OCA2: variants seen among roughly 807,000 people sequenced by gnomAD.
The protein encoded by OCA2 is P protein.
OCA2 carries 77 observed loss-of-function variants against 100.2 expected under a neutral mutation model. That is an observed-to-expected ratio of 0.77 (90% CI 0.64 to 0.93). The LOEUF (loss-of-function observed/expected upper bound fraction) is 0.93, where lower values mean the gene tolerates loss of function less well. OCA2 is among the 40% of genes least tolerant of loss of function. OCA2 has a pLI of 0.00. For synonymous variants in OCA2, 432 were observed against 439.2 expected (o/e 0.98, Z 0.21); for missense variants, 1,062 against 1,089.1 (o/e 0.98, Z 0.35).
chr15:28,087,704 G>A (rs969527029), intron 1 of OCA2, among the ~76,000 whole-genome samples: 1 of 152,128 alleles, frequency 6.6e-6, no homozygotes, highest in Non-Finnish European at 1.5e-5. Flanking sequence ...TCAGGATTGT[G>A]CCACTGCACT....
intron 4 of OCA2, among the ~76,000 whole-genome samples, chr15:28,025,294 A>G (rs2141323095): frequency 6.6e-6 from 1 of 152,332 alleles, no homozygotes; most frequent in African/African-American, 2.4e-5. Context: ...TCTGAAAGGT[A>G]GGAATACAGA....
Position 27,893,999 on chromosome 15 carries a change from C to G in OCA2, c.2080-22077G>C, listed in dbSNP as rs1964476. 5.3e-5 allele frequency among the ~76,000 whole-genome samples: 8 copies of G among 152,254 alleles called. No homozygotes were observed. In the East Asian group the frequency reaches 1.5e-3, roughly 29 times the overall value. On this transcript the variant is annotated intron_variant, in intron 19 of 23. Coordinates refer to ENST00000354638, the MANE Select transcript of OCA2 (RefSeq NM_000275.3). ...ACTCTCTGTTCTTACACCCCCTCCC[C>G]TTTTGAAACCCTTAATAAAAGCTTG...
intron 13 of OCA2, among the ~76,000 whole-genome samples, chr15:27,984,515 TGGCACCTG>T (rs1200467945): frequency 6.6e-6 from 1 of 152,212 alleles, no homozygotes; most frequent in Admixed American, 6.5e-5. Context: ...CAGGGACTCC[TGGCACCTG>T]GGCACCTGGT....
the OCA2 span, among the ~76,000 whole-genome samples, chr15:27,730,732 AATATATATATATATATAT>A: frequency 0.054 from 5,463 of 101,990 alleles, 206 homozygotes; most frequent in Middle Eastern, 0.099. Context: ...AAAAAGACCA[AATATATATATATATATAT>A]ATATATATAT....
chr15:27,754,483 T>G (rs1234249671), downstream of OCA2, among the ~76,000 whole-genome samples: 2 of 152,178 alleles, frequency 1.3e-5, no homozygotes, highest in African/African-American at 4.8e-5. Flanking sequence ...CTCTGGGGCA[T>G]AGCCATGATA....
intron 18 of OCA2, among the ~76,000 whole-genome samples, chr15:27,942,004 A>T (rs1035540152): frequency 3.3e-5 from 5 of 152,120 alleles, no homozygotes; most frequent in Non-Finnish European, 5.9e-5. Context: ...GACACACACA[A>T]TAACAAGTGC....
intron 19 of OCA2, among the ~76,000 whole-genome samples, chr15:27,875,434 G>A (rs1245750493): frequency 6.6e-6 from 1 of 152,100 alleles, no homozygotes; most frequent in Non-Finnish European, 1.5e-5. Flanking sequence ...AGGAAATCAG[G>A]TAAGTGCTCC....
chr15:27,775,552 TC>T (rs2032161992), intron 23 of OCA2: 1 of 152,622 alleles, frequency 6.6e-6, no homozygotes, highest in African/African-American at 2.4e-5. Flanking sequence ...GAGGTCACAG[TC>T]CCAGGCTCTG....
the OCA2 span, among the ~76,000 whole-genome samples, chr15:27,745,294 T>C: frequency 6.6e-6 from 1 of 152,198 alleles, no homozygotes; most frequent in Non-Finnish European, 1.5e-5. Flanking sequence ...TGGGGAGATG[T>C]GCTCTGTTAC....
At chr15:27,883,396 C>A (rs891441700) in intron 19 of OCA2, among the ~76,000 whole-genome samples, 39 of 152,242 alleles carry the variant, frequency 2.6e-4, no homozygotes, top group African/African-American at 9.4e-4. Flanking sequence ...GTTTACACGC[C>A]CTTAGCAGAT....
rs115378593 is a variant in OCA2 at position 28,035,814 on chromosome 15, G to A, written c.228-3651C>T. Among the ~76,000 whole-genome samples, 674 of 152,110 alleles carry A rather than the reference G, an allele frequency of 4.4e-3. 9 individuals carry two copies. Among genetic ancestry groups the A allele is most frequent in the African/African-American group, 0.015 (643 of 41,484 alleles). On this transcript the variant is annotated intron_variant, in intron 2 of 23. Coordinates refer to ENST00000354638, the MANE Select transcript of OCA2 (RefSeq NM_000275.3). ...TATAAGCATTTATAAGCTTATAAATGCCTATACATTTATACTTATTTTAAA... is the reference window on the plus strand; with the variant it reads ...TATAAGCATTTATAAGCTTATAAATACCTATACATTTATACTTATTTTAAA...
At chr15:27,792,827 C>T (rs1199521918) in intron 23 of OCA2, among the ~76,000 whole-genome samples, 1 of 152,180 alleles carries the variant, frequency 6.6e-6, no homozygotes, top group Non-Finnish European at 1.5e-5. Flanking sequence ...CGACTTGAGA[C>T]AAGGAGAGTC....
chr15:27,990,494 A>T (rs2041517567), intron 10 of OCA2, 82 bp downstream of exon 10: 1 of 1,387,290 alleles, frequency 7.2e-7, no homozygotes. Context: ...TGAAAAAACC[A>T]GCGAAAGCCT....
intron 14 of OCA2, among the ~76,000 whole-genome samples, chr15:27,981,109 GTAA>G (rs1490269407): frequency 6.6e-6 from 1 of 152,054 alleles, no homozygotes; most frequent in Admixed American, 6.5e-5. Flanking sequence ...CTTTCCTTAT[GTAA>G]TATTTAATAT....
chr15:27,839,415 C>T (rs996758815), intron 23 of OCA2, among the ~76,000 whole-genome samples: 12 of 152,150 alleles, frequency 7.9e-5, no homozygotes, highest in African/African-American at 2.7e-4. Context: ...GAAAACAATA[C>T]TTTTATTTTG....
intron 23 of OCA2, among the ~76,000 whole-genome samples, chr15:27,801,340 T>C (rs1193362286): frequency 2.0e-5 from 3 of 151,698 alleles, no homozygotes; most frequent in Admixed American, 1.3e-4. Context: ...GATCACGAGG[T>C]CAAGAGATCA....
At chr15:28,017,843 C>T (rs555582473) in intron 7 of OCA2, among the ~76,000 whole-genome samples, 8 of 152,256 alleles carry the variant, frequency 5.3e-5, no homozygotes, top group South Asian at 2.1e-4. Context: ...GTCAGGCTTG[C>T]GTGGAAGGAG....
At chr15:27,730,732 A>AATATATTTATATATATAT in the OCA2 span, among the ~76,000 whole-genome samples, 2 of 102,010 alleles carry the variant, frequency 2.0e-5, no homozygotes, top group African/African-American at 6.6e-5. Context: ...AAAAAGACCA[A>AATATATTTATATATATAT]ATATATATAT....
At chr15:27,868,378 A>AT (rs1380824526) in intron 21 of OCA2, among the ~76,000 whole-genome samples, 3 of 152,214 alleles carry the variant, frequency 2.0e-5, no homozygotes, top group African/African-American at 7.2e-5. Context: ...ATGAAAGGTG[A>AT]TTCGGACTTA....
Sources: allele counts gnomAD v4.1 joint callset (sites outside exome capture counted in the v4.1 genomes callset), GRCh38; gene constraint gnomAD v4.1.1; transcripts MANE v1.5; gene names NCBI Gene and HGNC (gene_info 2026-07-23, HGNC 2026-07-21).